The following NRXN2 variants were observed in gnomAD, a reference collection of about 807,000 sequenced individuals.
The protein encoded by NRXN2 is neurexin-2-beta.
In NRXN2, 29 loss-of-function variants were observed where a neutral mutation model predicts 128.8. The ratio of observed to expected loss-of-function variants is 0.23; its 90% confidence interval spans 0.17 to 0.31. The LOEUF (loss-of-function observed/expected upper bound fraction) is 0.31, where lower values mean the gene tolerates loss of function less well. NRXN2 is among the 10% of genes least tolerant of loss of function. The pLI is 1.00. For missense variants in NRXN2, 1,881 were observed against 2,452.6 expected, an observed-to-expected ratio of 0.77 and a Z score of 4.92; for synonymous variants, 1,098 against 1,075.2, an observed-to-expected ratio of 1.02 and a Z score of -0.41.
intron 17 of NRXN2, among the ~76,000 whole-genome samples, chr11:64,639,599 G>A (rs2045346213): frequency 6.6e-6 from 1 of 152,126 alleles, no homozygotes; most frequent in African/African-American, 2.4e-5. Context: ...GGACCCAGGT[G>A]TGCCAGTCCT....
chr11:64,645,311 G>C (rs1269048417), intron 17 of NRXN2, among the ~76,000 whole-genome samples: 1 of 152,132 alleles, frequency 6.6e-6, no homozygotes, highest in African/African-American at 2.4e-5. Flanking sequence ...GTGGGAACTG[G>C]AGAGAGATGG....
chr11:64,631,860 C>G lies in NRXN2; in HGVS notation c.3586-1287G>C, dbSNP rs779705023. On this transcript the variant is annotated intron_variant, in intron 18 of 22. Transcript: ENST00000265459. This position sits in a 1 kb window ranked among gnomAD's most constrained non-coding sequence, Gnocchi z 4.8. ...GCCCCTGTTTCACTTCCCTGCACCT[C>G]CCAGCAGCACTCCTGAACGCGGTCT... 5.3e-5 allele frequency among the ~76,000 whole-genome samples: 8 copies of G among 152,164 alleles called. No individual in the cohort carries two copies. Among genetic ancestry groups the G allele is most frequent in the Non-Finnish European group, 1.0e-4 (7 of 68,024 alleles).
chr11:64,688,668 G>C, intron 5 of NRXN2: 5 of 985,430 alleles, frequency 5.1e-6, no homozygotes, highest in Non-Finnish European at 6.0e-6. Context: ...TCCGGACCGA[G>C]AAAGGAAGAT....
At position 64,642,876 on chromosome 11, in the gene NRXN2, G is replaced by GC. The variant is rs1235488783; in HGVS notation, c.3403+5342dup. The GC allele has an allele frequency of 2.9e-6, 3 of 1,034,300 alleles. No individual in the cohort carries two copies. The African/African-American group carries it at 5.2e-5, about 18-fold the overall frequency. The allele number at this position is 1,034,300 out of a possible 1,614,324, so 64.1% of individuals were successfully genotyped here. A position where few individuals can be genotyped will look rare whatever the true frequency, so the allele number is the denominator to read the frequency against. On this transcript the variant is annotated intron_variant, in intron 17 of 22. Coordinates refer to ENST00000265459, the MANE Select transcript of NRXN2 (RefSeq NM_015080.4). ...ACGCGGGGCTGCGCAGCCCCGCGAA[G>GC]CCCCCCTCCGGCTCCGAGCTCCGGG... is the stretch of plus-strand genomic sequence containing the variant.
rs919153063 is a variant in NRXN2, at chr11:64,651,581, G to A, written c.2592C>T (p.Ile864=). The change falls in exon 14 of 23, where the codon ATC becomes ATT. Residue 864 remains isoleucine (I), a synonymous_variant. Coordinates refer to ENST00000265459, the MANE Select transcript of NRXN2 (RefSeq NM_015080.4). The surrounding 1 kb of genome is among the most constrained non-coding windows in gnomAD (Gnocchi z 5.9). ...CGGAGATAAACCGCCGCTCCGTCATGATGCCCGTCTCAATGTTGTGGAACT... is the reference window on the plus strand; with the variant it reads ...CGGAGATAAACCGCCGCTCCGTCATAATGCCCGTCTCAATGTTGTGGAACT... ...RLEFHNIETG[I]MTERRFISVV... is the part of the protein sequence containing the mutation. 10 of 1,614,038 alleles carry A rather than the reference G, an allele frequency of 6.2e-6. No individual in the cohort carries two copies. The highest frequency in any genetic ancestry group is 4.0e-5 in the African/African-American group (3 of 74,918).
chr11:64,628,752 C>A (rs1312949784), intron 19 of NRXN2, among the ~76,000 whole-genome samples: 2 of 152,224 alleles, frequency 1.3e-5, no homozygotes, highest in Non-Finnish European at 2.9e-5. Context: ...CCACAGGAAT[C>A]ATGCCTACAC....
At position 64,661,109 on chromosome 11, in the gene NRXN2, G is replaced by A. The variant is rs143889211; in HGVS notation, c.1829C>T (p.Pro610Leu). The change falls in exon 10 of 23, where the codon CCG (proline) becomes CTG (leucine). Residue 610 changes from proline to leucine, a missense_variant. Physicochemically the swap from Pro to Leu is moderately conservative, Grantham distance 98. Coordinates refer to ENST00000265459, the MANE Select transcript of NRXN2 (RefSeq NM_015080.4). ...CTCGCTGTCTCCAGTGGCCAAGAAC[G>A]GCGTGCTGCGACTATTCACTGAGAT... is the stretch of plus-strand genomic sequence containing the variant. The part of the protein sequence containing the change: ...GSISVNSRST[P>L]FLATGDSEIL... The A allele has an allele frequency of 6.1e-5, 98 of 1,613,458 alleles. No individual in the cohort carries two copies. Among genetic ancestry groups the A allele is most frequent in the Non-Finnish European group, 2.0e-5 (24 of 1,180,032 alleles).
At chr11:64,718,724 G>A (rs181327593) in intron 1 of NRXN2, among the ~76,000 whole-genome samples, 1 of 152,254 alleles carries the variant, frequency 6.6e-6, no homozygotes, top group Non-Finnish European at 1.5e-5. Context: ...CTTTTCAGGT[G>A]CAGAATGTTT....
chr11:64,698,971 C>T (rs541805308), intron 2 of NRXN2, among the ~76,000 whole-genome samples: 2 of 152,342 alleles, frequency 1.3e-5, no homozygotes, highest in African/African-American at 4.8e-5. Flanking sequence ...CACATACTTG[C>T]ATATGCAGGC....
chr11:64,607,549 GGGGA>G lies in NRXN2; in HGVS notation c.4782_4785del (p.Pro1595CysfsTer5). 2 of 1,551,654 alleles carry G rather than the reference GGGGA, an allele frequency of 1.3e-6. No individual in the cohort carries two copies. Among genetic ancestry groups the G allele is most frequent in the Non-Finnish European group, 1.7e-6 (2 of 1,152,652 alleles). Reference sequence around the variant, plus strand: ...GGGGCTGAGGTCACGCCGGGGCGCAGGGGAGGGGGCCTCCGCGGCTCAAAGGACG... The same window carrying G: ...GGGGCTGAGGTCACGCCGGGGCGCAGGGGGGCCTCCGCGGCTCAAAGGACG... On this transcript the variant is annotated frameshift_variant, in exon 23 of 23. Coordinates refer to ENST00000265459, the MANE Select transcript of NRXN2 (RefSeq NM_015080.4). LOFTEE classifies it high-confidence loss of function.
chr11:64,704,234 T>C lies in NRXN2; in HGVS notation c.731-6442A>G, dbSNP rs534282407. ...CCAGCAGAAGACAGAGATGGTGTCA[T>C]AGATGGTATGTCTTGCCTAACATGT... On this transcript the variant is annotated intron_variant, in intron 2 of 22. Transcript: ENST00000265459. Among the ~76,000 whole-genome samples the C allele has an allele frequency of 9.9e-5, 15 of 152,244 alleles. No homozygotes were observed. The Middle Eastern group carries it at 0.017, about 173-fold the overall frequency.
chr11:64,646,620 G>A (rs1439990744), intron 17 of NRXN2: 1 of 152,206 alleles, frequency 6.6e-6, no homozygotes, highest in African/African-American at 2.4e-5. Context: ...TTCCGTATCA[G>A]TTAAACACAA....
At chr11:64,673,601 T>G (rs1399729740) in intron 7 of NRXN2, among the ~76,000 whole-genome samples, 1 of 152,230 alleles carries the variant, frequency 6.6e-6, no homozygotes, top group East Asian at 1.9e-4. Flanking sequence ...TGCAGGAAAG[T>G]GCAGACTTTA....
Position 64,622,538 on chromosome 11 carries a change from C to T in NRXN2, c.4173+215G>A, listed in dbSNP as rs2042512677. 1.3e-5 allele frequency among the ~76,000 whole-genome samples: 2 copies of T among 152,226 alleles called. No individual in the cohort carries two copies. The highest frequency in any genetic ancestry group is 4.8e-5 in the African/African-American group (2 of 41,454). On this transcript the variant is annotated intron_variant, in intron 21 of 22. Coordinates refer to ENST00000265459, the MANE Select transcript of NRXN2 (RefSeq NM_015080.4). The surrounding 1 kb of genome is among the most constrained non-coding windows in gnomAD (Gnocchi z 4.3). ...GGTCCCTCTAGAAATAGTGGTCACC[C>T]CCACATCACAAGATCCCTGGTCATT...
At chr11:64,647,973 G>C (rs1279047600) in intron 17 of NRXN2, among the ~76,000 whole-genome samples, 1 of 152,224 alleles carries the variant, frequency 6.6e-6, no homozygotes, top group Non-Finnish European at 1.5e-5. Flanking sequence ...ACAAGGAGGA[G>C]AGGCCATCTA....
rs777962633 is a variant in NRXN2, at chr11:64,653,654, A to C, written c.2416+42T>G. ...CCTAAATCCCAGCGTCCAGCATCCC[A>C]GTCCCCTTGGGTCTCTGCAGAAGAA... On this transcript the variant is annotated intron_variant, in intron 12 of 22. Transcript: ENST00000265459. The C allele has an allele frequency of 1.9e-6, 3 of 1,574,816 alleles. No individual in the cohort carries two copies. In the East Asian group the frequency reaches 6.8e-5, roughly 36 times the overall value.
intron 9 of NRXN2, among the ~76,000 whole-genome samples, chr11:64,666,040 G>A (rs560573555): frequency 6.6e-6 from 1 of 152,082 alleles, no homozygotes; most frequent in East Asian, 1.9e-4. Flanking sequence ...TAGGGGTGTG[G>A]GGCTGTTTAC....
At chr11:64,706,433 T>C (rs1004457724) in intron 2 of NRXN2, among the ~76,000 whole-genome samples, 1 of 151,076 alleles carries the variant, frequency 6.6e-6, no homozygotes, top group African/African-American at 2.4e-5. Flanking sequence ...TTTGGTTTTT[T>C]GTCCTTGCGA....
At chr11:64,621,203 G>A (rs2042295605) in intron 21 of NRXN2, among the ~76,000 whole-genome samples, 1 of 152,078 alleles carries the variant, frequency 6.6e-6, no homozygotes, top group South Asian at 2.1e-4. Flanking sequence ...AGTGCCTGGA[G>A]GACCCAGCTC....
Sources: allele counts gnomAD v4.1 joint callset (sites outside exome capture counted in the v4.1 genomes callset), GRCh38; gene constraint gnomAD v4.1.1; non-coding constraint Gnocchi (gnomAD v3.1); transcripts MANE v1.5; gene names NCBI Gene and HGNC (gene_info 2026-07-23, HGNC 2026-07-21).